LRRD1: variants seen among roughly 807,000 people sequenced by gnomAD.
LRRD1 encodes the protein leucine rich repeats and death domain containing 1, also known as leucine-rich repeat and death domain-containing protein 1.
A neutral mutation model predicts 69.5 loss-of-function variants in LRRD1; 49 were observed. The ratio of observed to expected loss-of-function variants is 0.70; its 90% CI spans 0.56 to 0.89. LRRD1 has a LOEUF of 0.89. Among genes scored for constraint, LRRD1 ranks in the 40% least tolerant of loss-of-function variants. The pLI, the probability that LRRD1 is intolerant of heterozygous loss-of-function variation, is 0.00. For synonymous variants in LRRD1, 303 were observed against 338.9 expected, an observed-to-expected ratio of 0.89 and a Z score of 1.16; for missense variants, 853 against 956.0, an observed-to-expected ratio of 0.89 and a Z score of 1.42.
chr7:92,169,139 G>A (rs1023716131), intron 1 of LRRD1, among the ~76,000 whole-genome samples: 4 of 152,098 alleles, frequency 2.6e-5, no homozygotes, highest in South Asian at 2.1e-4. Context: ...GGCTGGTCTC[G>A]AACTCCTGGC....
At chr7:92,174,712 C>T (rs1034418849) in intron 1 of LRRD1, among the ~76,000 whole-genome samples, 48 of 148,404 alleles carry the variant, frequency 3.2e-4, no homozygotes, top group African/African-American at 1.1e-3. Context: ...TTCACCATGA[C>T]GTCCGGTCCT....
chr7:92,147,067 C>CTT (rs371802875), intron 4 of LRRD1, among the ~76,000 whole-genome samples: 107 of 143,924 alleles, frequency 7.4e-4, no homozygotes, highest in African/African-American at 1.5e-3. Context: ...TTATAAGCAA[C>CTT]TTTTTTTTTT....
rs550987648 is a variant in LRRD1 at position 92,176,946 on chromosome 7, A to G, written c.-75+2061T>C. Among the ~76,000 whole-genome samples, 240 of 146,378 alleles carry G rather than the reference A, an allele frequency of 1.6e-3. 1 individual carries two copies. The highest frequency in any genetic ancestry group is 1.1e-3 in the Non-Finnish European group (72 of 66,476). ...ATAATACTTGTGTGTTTGTGTGTGTATATATATATATATATAAAACAAGAA... is the reference window on the plus strand; with the variant it reads ...ATAATACTTGTGTGTTTGTGTGTGTGTATATATATATATATAAAACAAGAA... On this transcript the variant is annotated intron_variant, in intron 1 of 5. Coordinates refer to ENST00000458448, the MANE Select transcript of LRRD1 (RefSeq NM_001161528.2).
chr7:92,144,456 G>A (rs572948789), downstream of LRRD1, among the ~76,000 whole-genome samples: 43 of 151,848 alleles, frequency 2.8e-4, no homozygotes, highest in African/African-American at 9.4e-4. Context: ...GTGAAACCCC[G>A]TCTCTACTAA....
chr7:92,163,258 C>A, intron 2 of LRRD1, 28 bp downstream of exon 2: 1 of 1,349,830 alleles, frequency 7.4e-7, no homozygotes, highest in South Asian at 2.0e-5. Context: ...TCTCCTTCCC[C>A]ACAAAGCCCA....
At position 92,164,449 on chromosome 7, in the gene LRRD1, C is replaced by T. The variant is rs772461769; in HGVS notation, c.754G>A (p.Asp252Asn). Reference protein sequence around the residue: ...YNNYIENFPSDLECLGNLEIL... With the variant: ...YNNYIENFPSNLECLGNLEIL... The stretch of plus-strand genomic sequence containing the variant: ...TCCAAGTTTCCAAGACATTCTAAGT[C>T]AGAAGGAAAATTTTCAATGTAATTG... The change falls in exon 2 of 6, where the codon GAC (aspartate) becomes AAC (asparagine). Residue 252 changes from aspartate (D) to asparagine (N), a missense_variant. By Grantham distance (23) the Asp-to-Asn change is conservative (BLOSUM62 1). Around this residue, in one of 3 missense-constraint regions of LRRD1, gnomAD observed 739 missense variants for 808.0 expected, o/e 0.91. Coordinates refer to ENST00000458448, the MANE Select transcript of LRRD1 (RefSeq NM_001161528.2). 3 of 1,549,990 alleles carry T rather than the reference C, an allele frequency of 1.9e-6. No homozygotes were observed.
intron 1 of LRRD1, among the ~76,000 whole-genome samples, chr7:92,172,183 A>G (rs927416315): frequency 1.3e-5 from 2 of 152,200 alleles, no homozygotes; most frequent in Non-Finnish European, 2.9e-5. Context: ...CCCTCAACAA[A>G]GGAACATACC....
intron 5 of LRRD1, 111 bp downstream of exon 5, chr7:92,145,972 A>T: frequency 1.8e-6 from 1 of 571,336 alleles, no homozygotes; most frequent in Non-Finnish European, 2.9e-6. Context: ...TCAGCTTTCT[A>T]CAGCAAAGTA....
At chr7:92,172,171 A>G (rs912103590) in intron 1 of LRRD1, among the ~76,000 whole-genome samples, 1 of 152,194 alleles carries the variant, frequency 6.6e-6, no homozygotes, top group Non-Finnish European at 1.5e-5. Flanking sequence ...TTATGATATC[A>G]ACCCTCAACA....
chr7:92,165,545 G>A (rs1211357515), intron 1 of LRRD1, among the ~76,000 whole-genome samples: 5 of 152,018 alleles, frequency 3.3e-5, no homozygotes, highest in Non-Finnish European at 7.4e-5. Context: ...GGGACTGAGA[G>A]GATTCAGCAA....
chr7:92,143,622 C>T (rs1316294713), downstream of LRRD1, among the ~76,000 whole-genome samples: 9 of 152,256 alleles, frequency 5.9e-5, no homozygotes, highest in Admixed American at 1.3e-4. Flanking sequence ...GCTCCGAGTG[C>T]GGGGCCGCCG....
At chr7:92,150,440 G>T in intron 4 of LRRD1, 94 bp downstream of exon 4, 1 of 1,098,260 alleles carries the variant, frequency 9.1e-7, no homozygotes, top group Non-Finnish European at 1.2e-6. Flanking sequence ...AGTCCAGCCT[G>T]GGTGTCAGAG....
chr7:92,142,230 C>T, downstream of LRRD1: 1 of 320,666 alleles, frequency 3.1e-6, no homozygotes, highest in African/African-American at 2.2e-5. Flanking sequence ...GCATGAGCCA[C>T]CCTGCCCGGG....
At chr7:92,156,421 AT>A (rs1476431609) in intron 3 of LRRD1, among the ~76,000 whole-genome samples, 3 of 152,190 alleles carry the variant, frequency 2.0e-5, no homozygotes, top group Non-Finnish European at 4.4e-5. Flanking sequence ...TATTAACAAT[AT>A]TGTCTTCCAA....
intron 1 of LRRD1, among the ~76,000 whole-genome samples, chr7:92,168,031 C>G (rs1788959834): frequency 6.6e-6 from 1 of 151,810 alleles, no homozygotes; most frequent in Admixed American, 6.6e-5. Context: ...CTCCTCCCAC[C>G]AACAGAAGCC....
chr7:92,150,549 C>A lies in LRRD1; in HGVS notation c.2263G>T (p.Ala755Ser). ...LYTIARYLQR[A>S]DERDEKILEK... ...CATCACCTACCATCTCTTTCATCTG[C>A]CCTCTGTAGATAGCGTGCAATAGTA... The change falls in exon 4 of 6, where the codon GCA becomes TCA. Residue 755 changes from alanine to serine, a missense_variant. Physicochemically the swap from Ala to Ser is moderately conservative, Grantham distance 99. Coordinates refer to ENST00000458448, the MANE Select transcript of LRRD1 (RefSeq NM_001161528.2). 1 of 1,547,092 alleles carries A rather than the reference C, an allele frequency of 6.5e-7. No individual in the cohort carries two copies. Among genetic ancestry groups the A allele is most frequent in the East Asian group, 2.4e-5 (1 of 40,820 alleles).
At chr7:92,174,507 A>ATG (rs1563195862) in intron 1 of LRRD1, among the ~76,000 whole-genome samples, 171 of 16,640 alleles carry the variant, frequency 0.01, 5 homozygotes, top group South Asian at 0.022. Flanking sequence ...ATATATATAT[A>ATG]TATTTTTTTT....
intron 4 of LRRD1, among the ~76,000 whole-genome samples, chr7:92,148,542 T>C (rs1310390383): frequency 1.3e-5 from 2 of 152,160 alleles, no homozygotes; most frequent in African/African-American, 4.8e-5. Flanking sequence ...CATTTGTTAA[T>C]TGCAGATAAA....
In LRRD1 at chr7:92,179,130, G is replaced by T. The variant is rs1789266935; in HGVS notation, c.-198C>A. 2 of 152,324 alleles carry T rather than the reference G, an allele frequency of 1.3e-5. No homozygotes were observed. Among genetic ancestry groups the T allele is most frequent in the Non-Finnish European group, 2.9e-5 (2 of 68,112 alleles). 9.4% of individuals were successfully genotyped at this position (152,324 alleles called of 1,614,324 possible). ...AGCACTGACGCCTCTCCGGGCCGTG[G>T]CTCCTCTTTCCCAGGCCGAAAGCGG... On this transcript the variant is annotated 5_prime_UTR_variant, in exon 1 of 6. Transcript: ENST00000458448.
Sources: gnomAD v4.1 joint callset for allele counts (sites outside exome capture counted in the v4.1 genomes callset) on GRCh38, gnomAD v4.1.1 for gene constraint, gnomAD v4.1.1 regional missense constraint, MANE v1.5 for transcripts, NCBI Gene and HGNC (gene_info 2026-07-23, HGNC 2026-07-21) for gene names.